LMBR1: variants seen among roughly 807,000 people sequenced by gnomAD.
The protein encoded by LMBR1 is limb development membrane protein 1.
LMBR1 carries 52 observed loss-of-function variants against 73.9 expected under a neutral mutation model. That is an observed-to-expected ratio of 0.70 (90% CI 0.56 to 0.89). LMBR1 has a LOEUF of 0.89. Ranked by LOEUF, LMBR1 falls within the 40% of genes least tolerant of loss-of-function variation. The pLI, the probability that LMBR1 is intolerant of heterozygous loss-of-function variation, is 0.00. For missense variants in LMBR1, 539 were observed against 579.8 expected (o/e 0.93, Z 0.72); for synonymous variants, 215 against 209.4 (o/e 1.03, Z -0.23).
At chr7:156,814,463 A>G (rs953236287) in intron 4 of LMBR1, among the ~76,000 whole-genome samples, 10 of 152,232 alleles carry the variant, frequency 6.6e-5, no homozygotes, top group African/African-American at 2.4e-4. Context: ...AGGTGTGTAC[A>G]TGTACAAGCA....
chr7:156,800,304 T>C (rs1830723047), intron 4 of LMBR1, among the ~76,000 whole-genome samples: 1 of 152,008 alleles, frequency 6.6e-6, no homozygotes. Flanking sequence ...GAAAGTGACT[T>C]TAAGTTGAAG....
At chr7:156,851,378 C>T (rs1796212085) in intron 1 of LMBR1, among the ~76,000 whole-genome samples, 1 of 152,220 alleles carries the variant, frequency 6.6e-6, no homozygotes, top group Non-Finnish European at 1.5e-5. Context: ...CAAAGCAATG[C>T]TTCCTCACAG....
intron 5 of LMBR1, among the ~76,000 whole-genome samples, chr7:156,765,080 A>G (rs1006030945): frequency 5.9e-5 from 9 of 152,230 alleles, no homozygotes; most frequent in African/African-American, 2.2e-4. Flanking sequence ...TATTAATCAC[A>G]GGAGATGAAA....
intron 1 of LMBR1, among the ~76,000 whole-genome samples, chr7:156,887,608 G>A (rs1237324180): frequency 6.6e-6 from 1 of 152,104 alleles, no homozygotes; most frequent in East Asian, 1.9e-4. Flanking sequence ...ATGCCAGTTG[G>A]TGATGAATTC....
intron 5 of LMBR1, among the ~76,000 whole-genome samples, chr7:156,782,972 T>C (rs1407696527): frequency 2.0e-5 from 3 of 152,204 alleles, no homozygotes; most frequent in African/African-American, 7.2e-5. Context: ...TTTGCCTATC[T>C]TGTAATATTT....
chr7:156,844,315 C>T (rs994389292), intron 1 of LMBR1, among the ~76,000 whole-genome samples: 1 of 152,022 alleles, frequency 6.6e-6, no homozygotes, highest in Admixed American at 6.6e-5. Context: ...CAGAACAAGA[C>T]TCCGTCTCAC....
intron 1 of LMBR1, among the ~76,000 whole-genome samples, chr7:156,882,432 G>A (rs1020793363): frequency 2.0e-5 from 3 of 152,014 alleles, no homozygotes; most frequent in Non-Finnish European, 4.4e-5. Context: ...TCCATCTCAA[G>A]GGGGAAAAAA....
At chr7:156,874,259 C>T (rs1027804642) in intron 1 of LMBR1, among the ~76,000 whole-genome samples, 4 of 152,260 alleles carry the variant, frequency 2.6e-5, no homozygotes, top group Non-Finnish European at 4.4e-5. Context: ...CTAAGTCCCT[C>T]ATTGCCCGGG....
At chr7:156,863,105 G>A (rs999613771) in intron 1 of LMBR1, among the ~76,000 whole-genome samples, 1 of 151,896 alleles carries the variant, frequency 6.6e-6, no homozygotes, top group Non-Finnish European at 1.5e-5. Context: ...ACTAATAGAA[G>A]ATATATATAT....
chr7:156,818,801 T>C (rs1033092711), intron 4 of LMBR1, among the ~76,000 whole-genome samples: 1 of 152,240 alleles, frequency 6.6e-6, no homozygotes, highest in Admixed American at 6.5e-5. Context: ...ACACAAGATA[T>C]AGAAAATGTA....
chr7:156,834,555 A>T, intron 2 of LMBR1: 2 of 314,168 alleles, frequency 6.4e-6, no homozygotes, highest in South Asian at 2.5e-5. Context: ...GTCAGCCATG[A>T]TTGCCCCACT....
chr7:156,694,347 G>A (rs140154664), intron 15 of LMBR1, among the ~76,000 whole-genome samples: 487 of 152,072 alleles, frequency 3.2e-3, no homozygotes, highest in African/African-American at 0.011. Context: ...TGCCCAGGCC[G>A]GTCTTGAACT....
At chr7:156,747,568 A>T (rs574469489) in intron 9 of LMBR1, among the ~76,000 whole-genome samples, 1 of 152,318 alleles carries the variant, frequency 6.6e-6, no homozygotes, top group East Asian at 1.9e-4. Flanking sequence ...TAATTGATGA[A>T]ATACAATTAT....
chr7:156,691,896 T>G (rs935010446), intron 15 of LMBR1, among the ~76,000 whole-genome samples: 15 of 152,132 alleles, frequency 9.9e-5, no homozygotes, highest in African/African-American at 3.6e-4. Context: ...TAAGACAGTG[T>G]TGGGAAAAAA....
At chr7:156,842,490 GTGTC>G (rs1838900073) in intron 1 of LMBR1, among the ~76,000 whole-genome samples, 1 of 152,200 alleles carries the variant, frequency 6.6e-6, no homozygotes, top group Non-Finnish European at 1.5e-5. Flanking sequence ...TAGAGAAACA[GTGTC>G]TGTACAATGC....
rs547370212 is a variant in LMBR1 at position 156,697,457 on chromosome 7, T to G, written c.1226-9266A>C. ...CCACCCTAGTTAAGCCTGAGGGTAC[T>G]GCAGGAGACCACAGCATATCTCAGT... On this transcript the variant is annotated intron_variant, in intron 15 of 16. Transcript: ENST00000353442. Among the ~76,000 whole-genome samples the G allele has an allele frequency of 2.0e-5, 3 of 152,310 alleles. No homozygotes were observed. In the South Asian group the frequency reaches 6.2e-4, roughly 32 times the overall value.
chr7:156,690,784 A>G (rs180902079), intron 15 of LMBR1, among the ~76,000 whole-genome samples: 50 of 143,782 alleles, frequency 3.5e-4, no homozygotes, highest in Admixed American at 1.8e-3. Context: ...TAAAAATCTG[A>G]TAGATTGACT....
chr7:156,808,998 A>G (rs1585939912), intron 4 of LMBR1, among the ~76,000 whole-genome samples: 1 of 152,230 alleles, frequency 6.6e-6, no homozygotes, highest in Non-Finnish European at 1.5e-5. Context: ...AATAAAATTC[A>G]TAATACATTG....
intron 4 of LMBR1, among the ~76,000 whole-genome samples, chr7:156,825,079 G>A (rs542511397): frequency 6.6e-6 from 1 of 151,896 alleles, no homozygotes; most frequent in Non-Finnish European, 1.5e-5. Context: ...CAAATTCACT[G>A]ACCTATAATA....
Sources: gnomAD v4.1 joint callset for allele counts (sites outside exome capture counted in the v4.1 genomes callset) on GRCh38, gnomAD v4.1.1 for gene constraint, MANE v1.5 for transcripts, NCBI Gene and HGNC (gene_info 2026-07-23, HGNC 2026-07-21) for gene names.